Variants in PTPN21 observed in about 807,000 individuals in gnomAD.
The protein encoded by PTPN21 is protein tyrosine phosphatase non-receptor type 21, also known as tyrosine-protein phosphatase non-receptor type 21.
Under a neutral mutation model 131.8 loss-of-function variants are expected in PTPN21, and 77 were observed. That is an observed-to-expected ratio of 0.58 (90% confidence interval 0.49 to 0.71). PTPN21 has a LOEUF of 0.71. PTPN21 is among the 30% of genes least tolerant of loss of function. The probability of loss-of-function intolerance (pLI) is 0.00; values close to 1 mark genes in which losing one functional copy is unlikely to be tolerated. For synonymous variants in PTPN21, 715 were observed against 621.3 expected (o/e 1.15, Z -2.24); for missense variants, 1,552 against 1,527.1 (o/e 1.02, Z -0.27).
chr14:88,480,627 G>A (rs1013906191), intron 12 of PTPN21, among the ~76,000 whole-genome samples: 1 of 152,130 alleles, frequency 6.6e-6, no homozygotes, highest in African/African-American at 2.4e-5. Flanking sequence ...CAGCAGACTA[G>A]CAGACTTTTT....
At chr14:88,547,705 C>T (rs1363731912) in intron 2 of PTPN21, 1 of 453,472 alleles carries the variant, frequency 2.2e-6, no homozygotes, top group African/African-American at 2.0e-5. Flanking sequence ...GCCTGCTGTT[C>T]TGGTTTTCTT....
intron 2 of PTPN21, among the ~76,000 whole-genome samples, chr14:88,518,434 T>A (rs1215233880): frequency 2.2e-5 from 1 of 44,916 alleles, no homozygotes; most frequent in African/African-American, 7.3e-5. Flanking sequence ...TTTTTTTTTT[T>A]TTTTTTTTTT....
At chr14:88,472,752 C>T (rs765870351) in intron 14 of PTPN21, among the ~76,000 whole-genome samples, 1 of 152,006 alleles carries the variant, frequency 6.6e-6, no homozygotes, top group Non-Finnish European at 1.5e-5. Context: ...TGCCTGTGGT[C>T]CCATCTACTT....
In PTPN21 at chr14:88,480,365, A is replaced by T. The variant is rs2077635570; in HGVS notation, c.1079-13T>A. On this transcript the variant is annotated splice_polypyrimidine_tract_variant and intron_variant, in intron 12 of 18. Coordinates refer to ENST00000556564, the MANE Select transcript of PTPN21 (RefSeq NM_007039.4). ...ACAAAGAGGTTATCTAGAAAAAATG[A>T]GTTCAAAATGAGATTTTTTTAAATG... 1 of 1,583,920 alleles carries T rather than the reference A, an allele frequency of 6.3e-7. No individual in the cohort carries two copies. Among genetic ancestry groups the T allele is most frequent in the African/African-American group, 1.3e-5 (1 of 74,264 alleles).
chr14:88,507,856 CT>C, intron 4 of PTPN21, 66 bp downstream of exon 4: 1 of 934,942 alleles, frequency 1.1e-6, no homozygotes, highest in Non-Finnish European at 1.6e-6. Flanking sequence ...TTAAAAATCC[CT>C]TGCTATTTTG....
At position 88,480,170 on chromosome 14, in the gene PTPN21, T is replaced by A. The variant is rs757736339; in HGVS notation, c.1261A>T (p.Ile421Phe). ...QPSPMSSNPS[I>F]TGSDVMRPDY... The stretch of plus-strand genomic sequence containing the variant: ...GGCCTCATGACGTCACTCCCGGTGA[T>A]GCTAGGGTTGGACGACATCGGCGAG... The change falls in exon 13 of 19, where the codon ATC becomes TTC. Residue 421 changes from isoleucine (I) to phenylalanine (F), a missense_variant. By Grantham distance (21) the Ile-to-Phe change is conservative. Transcript: ENST00000556564. 1 of 1,614,134 alleles carries A rather than the reference T, an allele frequency of 6.2e-7. No individual in the cohort carries two copies. Among genetic ancestry groups the A allele is most frequent in the South Asian group, 1.1e-5 (1 of 91,080 alleles).
intron 10 of PTPN21, among the ~76,000 whole-genome samples, chr14:88,495,013 CAAAAAAAAAAAAA>C (rs386382090): frequency 2.0e-5 from 1 of 49,164 alleles, no homozygotes; most frequent in African/African-American, 6.8e-5. Flanking sequence ...ACTCTGTCTC[CAAAAAAAAAAAAA>C]AAAAAAAAAA....
At chr14:88,474,682 C>T (rs2077523878) in intron 13 of PTPN21, among the ~76,000 whole-genome samples, 1 of 152,062 alleles carries the variant, frequency 6.6e-6, no homozygotes, top group African/African-American at 2.4e-5. Context: ...TAAAACAGGG[C>T]TAAAATCTCC....
At chr14:88,503,255 C>T (rs1243214498) in intron 6 of PTPN21, among the ~76,000 whole-genome samples, 4 of 152,024 alleles carry the variant, frequency 2.6e-5, no homozygotes, top group Admixed American at 6.6e-5. Context: ...AGGATGGTCT[C>T]GATCTCCTGA....
intron 7 of PTPN21, 161 bp from the exon 8 acceptor site, chr14:88,501,032 G>A (rs2078000311): frequency 3.1e-6 from 2 of 643,854 alleles, no homozygotes; most frequent in African/African-American, 3.7e-5. Context: ...GATCTTATAG[G>A]TAAGTATAAA....
At chr14:88,508,248 T>C (rs1011705133) in intron 3 of PTPN21, among the ~76,000 whole-genome samples, 3 of 151,916 alleles carry the variant, frequency 2.0e-5, no homozygotes, top group Non-Finnish European at 4.4e-5. Flanking sequence ...TTCCTAAGCT[T>C]AGGTGATCCT....
At chr14:88,501,559 C>G (rs538120259) in intron 6 of PTPN21, among the ~76,000 whole-genome samples, 191 bp from the exon 7 acceptor site, 1 of 152,198 alleles carries the variant, frequency 6.6e-6, no homozygotes, top group South Asian at 2.1e-4. Flanking sequence ...CTGAGGGTAT[C>G]ACATGAGATC....
chr14:88,548,369 C>G (rs1290119702), intron 2 of PTPN21, among the ~76,000 whole-genome samples: 1 of 152,220 alleles, frequency 6.6e-6, no homozygotes, highest in Non-Finnish European at 1.5e-5. Flanking sequence ...TTCAGGCAGA[C>G]CAGCTTCCTC....
At chr14:88,513,730 A>G (rs1272888697) in intron 3 of PTPN21, 2 of 152,200 alleles carry the variant, frequency 1.3e-5, no homozygotes, top group Non-Finnish European at 2.9e-5. Flanking sequence ...TACCCAGTCT[A>G]TAATATTTTG....
At chr14:88,499,611 T>C (rs941464679) in intron 8 of PTPN21, among the ~76,000 whole-genome samples, 1 of 152,240 alleles carries the variant, frequency 6.6e-6, no homozygotes, top group East Asian at 1.9e-4. Flanking sequence ...GTGGTGGTAA[T>C]ACCTACTGCT....
rs1437195745 is a variant in PTPN21, at chr14:88,517,743, G to A, written c.181-482C>T. Among the ~76,000 whole-genome samples, 8 of 104,292 alleles carry A rather than the reference G, an allele frequency of 7.7e-5. 1 individual carries two copies. The highest frequency in any genetic ancestry group is 1.4e-4 in the African/African-American group (3 of 21,888). The allele number at this position is 104,292 out of a possible 152,430, so 68.4% of individuals were successfully genotyped here. A position where few individuals can be genotyped will look rare whatever the true frequency, so the allele number is the denominator to read the frequency against. On this transcript the variant is annotated intron_variant, in intron 2 of 18. Coordinates refer to ENST00000556564, the MANE Select transcript of PTPN21 (RefSeq NM_007039.4). ...ATGTGTATATATACTATATATACAC[G>A]TGTGTATATACTAGTGTATATACAC...
At chr14:88,517,733 A>ATATATACACGTGTGTATATACTAGTG (rs2078300082) in intron 2 of PTPN21, among the ~76,000 whole-genome samples, 1 of 111,010 alleles carries the variant, frequency 9.0e-6, no homozygotes, top group African/African-American at 4.2e-5. Flanking sequence ...TATATATACT[A>ATATATACACGTGTGTATATACTAGTG]TATATACACG....
At chr14:88,505,117 G>A (rs977616045) in intron 5 of PTPN21, among the ~76,000 whole-genome samples, 187 bp downstream of exon 5, 2 of 152,154 alleles carry the variant, frequency 1.3e-5, no homozygotes, top group Non-Finnish European at 2.9e-5. Context: ...GTTTCTGTGG[G>A]TTCACAAGGA....
rs2077383402 is a variant in PTPN21 at position 88,467,529 on chromosome 14, A to G, written c.*608T>C. On this transcript the variant is annotated 3_prime_UTR_variant, in exon 19 of 19. Transcript: ENST00000556564. ...TAGGATAAAAAATGTTCTGGATAGA[A>G]AAATCCTTTTGATGTTTCAAAATAA... is the stretch of plus-strand genomic sequence containing the variant. 1 of 152,292 alleles carries G rather than the reference A, an allele frequency of 6.6e-6. No individual in the cohort carries two copies. The highest frequency in any genetic ancestry group is 1.5e-5 in the Non-Finnish European group (1 of 68,080). 9.4% of individuals were successfully genotyped at this position (152,292 alleles called of 1,614,324 possible). A position where few individuals can be genotyped will look rare whatever the true frequency, so the allele number is the denominator to read the frequency against.
Sources: gnomAD v4.1 joint callset for allele counts (sites outside exome capture counted in the v4.1 genomes callset) on GRCh38, gnomAD v4.1.1 for gene constraint, MANE v1.5 for transcripts, NCBI Gene and HGNC (gene_info 2026-07-23, HGNC 2026-07-21) for gene names.